Variants in ETFA observed in about 807,000 individuals in gnomAD.
ETFA encodes the protein electron transfer flavoprotein subunit alpha.
Under a neutral mutation model 46.2 loss-of-function variants are expected in ETFA, and 22 were observed. The ratio of observed to expected loss-of-function variants is 0.48; its 90% confidence interval spans 0.34 to 0.68. ETFA has a LOEUF of 0.68. Ranked by LOEUF, ETFA falls within the 30% of genes least tolerant of loss-of-function variation. The pLI is 0.01. For synonymous variants in ETFA, 131 were observed against 139.9 expected, an observed-to-expected ratio of 0.94 and a Z score of 0.45; for missense variants, 345 against 401.1, an observed-to-expected ratio of 0.86 and a Z score of 1.19.
chr15:76,272,805 A>AATATATATATATATATATATATATATAT (rs1379336424), intron 9 of ETFA, among the ~76,000 whole-genome samples: 38 of 78,480 alleles, frequency 4.8e-4, no homozygotes, highest in Non-Finnish European at 9.8e-4. Flanking sequence ...TGTCTCTTAA[A>AATATATATATATATATATATATATATAT]ATATATACAT....
At chr15:76,265,851 C>T (rs2039465539) in intron 9 of ETFA, among the ~76,000 whole-genome samples, 1 of 152,140 alleles carries the variant, frequency 6.6e-6, no homozygotes, top group African/African-American at 2.4e-5. Flanking sequence ...TCAGAACCTT[C>T]AGAAGGACAA....
intron 9 of ETFA, among the ~76,000 whole-genome samples, chr15:76,261,866 A>G (rs1331028281): frequency 6.6e-6 from 1 of 152,220 alleles, no homozygotes; most frequent in African/African-American, 2.4e-5. Context: ...ATATTCACTC[A>G]GGCCAGGTGC....
intron 9 of ETFA, chr15:76,245,398 G>A (rs928610273): frequency 3.9e-5 from 6 of 152,206 alleles, no homozygotes; most frequent in African/African-American, 1.4e-4. Context: ...GCTAGATAAA[G>A]CACTATGAAA....
At chr15:76,247,369 A>G (rs111720315) in intron 9 of ETFA, among the ~76,000 whole-genome samples, 1 of 152,112 alleles carries the variant, frequency 6.6e-6, no homozygotes, top group Non-Finnish European at 1.5e-5. Flanking sequence ...GGAGACATAC[A>G]TTTTTTTAGA....
chr15:76,276,167 G>T (rs979075701), intron 8 of ETFA, among the ~76,000 whole-genome samples: 1 of 151,872 alleles, frequency 6.6e-6, no homozygotes, highest in Non-Finnish European at 1.5e-5. Context: ...GCCAATTTTT[G>T]TCTGAGAAAG....
chr15:76,277,127 C>T (rs945278044), intron 8 of ETFA, among the ~76,000 whole-genome samples: 4 of 152,100 alleles, frequency 2.6e-5, no homozygotes, highest in Admixed American at 6.5e-5. Context: ...TTACTAAGAC[C>T]GTACCTCAAT....
chr15:76,298,157 C>T (rs2039845257), intron 1 of ETFA, among the ~76,000 whole-genome samples: 1 of 152,086 alleles, frequency 6.6e-6, no homozygotes, highest in African/African-American at 2.4e-5. Context: ...ATTCTCCTGC[C>T]TCAGCCTGCC....
chr15:76,236,460 A>C (rs1160328684), intron 9 of ETFA, among the ~76,000 whole-genome samples: 1 of 152,244 alleles, frequency 6.6e-6, no homozygotes, highest in Non-Finnish European at 1.5e-5. Context: ...AAATAATCAT[A>C]GAACAAACTA....
At position 76,227,478 on chromosome 15, in the gene ETFA, C is replaced by T. The variant is rs1166341471; in HGVS notation, c.883-1549G>A. Among the ~76,000 whole-genome samples the T allele has an allele frequency of 8.7e-5, 10 of 114,550 alleles. No homozygotes were observed. The Admixed American group carries it at 1.1e-3, about 13-fold the overall frequency. 75.1% of individuals were successfully genotyped at this position (114,550 alleles called of 152,430 possible). On this transcript the variant is annotated intron_variant, in intron 10 of 11. Coordinates refer to ENST00000557943, the MANE Select transcript of ETFA (RefSeq NM_000126.4). ...GTTGCAGTGAGCCAAGATTGTGCAC[C>T]GTATGTTAGCATGGGTGACAGAGTG...
chr15:76,263,922 C>T (rs1010773597), intron 9 of ETFA, among the ~76,000 whole-genome samples: 1 of 152,214 alleles, frequency 6.6e-6, no homozygotes, highest in Non-Finnish European at 1.5e-5. Context: ...ATGGCCACCT[C>T]CTCTCTCCCC....
intron 9 of ETFA, among the ~76,000 whole-genome samples, chr15:76,272,127 G>T (rs971369953): frequency 1.3e-5 from 2 of 151,712 alleles, no homozygotes; most frequent in Admixed American, 1.3e-4. Context: ...GCCACTCCCT[G>T]CCACTCTGCT....
At chr15:76,279,825 T>C (rs1290050817) in intron 8 of ETFA, among the ~76,000 whole-genome samples, 7 of 151,916 alleles carry the variant, frequency 4.6e-5, no homozygotes, top group Non-Finnish European at 8.8e-5. Context: ...TCCTTTTTGG[T>C]CTTCTTTCTC....
chr15:76,265,971 G>A (rs1471362524), intron 9 of ETFA, among the ~76,000 whole-genome samples: 3 of 152,172 alleles, frequency 2.0e-5, no homozygotes, highest in African/African-American at 7.2e-5. Flanking sequence ...TGGAGCAATG[G>A]CCACTGAAAC....
chr15:76,270,810 T>C (rs975908392), intron 9 of ETFA, among the ~76,000 whole-genome samples: 4 of 152,134 alleles, frequency 2.6e-5, no homozygotes, highest in South Asian at 2.1e-4. Flanking sequence ...ATGACAACCA[T>C]AGATTTTTAC....
intron 8 of ETFA, among the ~76,000 whole-genome samples, chr15:76,275,356 G>GT (rs1252104899): frequency 6.6e-6 from 1 of 152,014 alleles, no homozygotes; most frequent in Non-Finnish European, 1.5e-5. Context: ...TAAAACTCAG[G>GT]TTTTATTTAC....
At chr15:76,228,018 T>C in intron 10 of ETFA, 4 of 455,020 alleles carry the variant, frequency 8.8e-6, no homozygotes, top group South Asian at 4.7e-5. Context: ...TTGCAGGTGT[T>C]GATTTGCATT....
rs535612500 is a variant in ETFA at position 76,259,440 on chromosome 15, T to C, written c.816+14972A>G. ...ATGGAGTGGGAGTGTAAGAACGTCC[T>C]CCATACACTCTGGAAGCTGTTTCAG... On this transcript the variant is annotated intron_variant, in intron 9 of 11. Transcript: ENST00000557943. The C allele has an allele frequency of 9.8e-6, 10 of 1,022,646 alleles. No individual in the cohort carries two copies. The East Asian group carries it at 2.4e-4, about 24-fold the overall frequency. 63.3% of individuals were successfully genotyped at this position (1,022,646 alleles called of 1,614,324 possible).
intron 9 of ETFA, among the ~76,000 whole-genome samples, chr15:76,272,096 A>G (rs907914547): frequency 5.3e-5 from 8 of 152,164 alleles, no homozygotes; most frequent in African/African-American, 1.7e-4. Flanking sequence ...TTTATTTTCA[A>G]TATAGGAAAG....
chr15:76,231,461 T>A (rs2039065746), intron 9 of ETFA, 63 bp from the exon 10 acceptor site: 1 of 1,074,908 alleles, frequency 9.3e-7, no homozygotes, highest in Non-Finnish European at 1.4e-6. Context: ...TCCAAAGTGT[T>A]TGCTGTTAGC....
Sources: gnomAD v4.1 joint callset for allele counts (sites outside exome capture counted in the v4.1 genomes callset) on GRCh38, gnomAD v4.1.1 for gene constraint, MANE v1.5 for transcripts, NCBI Gene and HGNC (gene_info 2026-07-23, HGNC 2026-07-21) for gene names.